Variants in KIAA0825 observed in about 807,000 individuals in gnomAD.
KIAA0825 encodes KIAA0825.
Under a neutral mutation model 147.6 loss-of-function variants are expected in KIAA0825, and 119 were observed. The ratio of observed to expected loss-of-function variants is 0.81; its 90% CI spans 0.69 to 0.94. The LOEUF is 0.94. Ranked by LOEUF, KIAA0825 falls within the 40% of genes least tolerant of loss-of-function variation. The pLI, the probability that KIAA0825 is intolerant of heterozygous loss-of-function variation, is 0.00. For synonymous variants in KIAA0825, 470 were observed against 518.1 expected, an observed-to-expected ratio of 0.91 and a Z score of 1.26; for missense variants, 1,381 against 1,472.7, an observed-to-expected ratio of 0.94 and a Z score of 1.02.
At chr5:94,536,192 G>T (rs1299473639) in intron 3 of KIAA0825, among the ~76,000 whole-genome samples, 1 of 152,022 alleles carries the variant, frequency 6.6e-6, no homozygotes, top group Non-Finnish European at 1.5e-5. Context: ...TTATAATAAA[G>T]AACTAACTAT....
chr5:94,396,006 C>A, intron 17 of KIAA0825, 95 bp downstream of exon 17: 1 of 1,169,138 alleles, frequency 8.6e-7, no homozygotes, highest in South Asian at 2.2e-5. Context: ...CAAAATACTA[C>A]TGCTGCCCAT....
At chr5:94,273,379 A>C (rs1777080133) in intron 20 of KIAA0825, among the ~76,000 whole-genome samples, 1 of 152,116 alleles carries the variant, frequency 6.6e-6, no homozygotes, top group South Asian at 2.1e-4. Context: ...CTACAAATAG[A>C]ATATTTTATT....
intron 14 of KIAA0825, among the ~76,000 whole-genome samples, chr5:94,436,805 G>A (rs1260121619): frequency 6.6e-6 from 1 of 152,066 alleles, no homozygotes; most frequent in African/African-American, 2.4e-5. Flanking sequence ...ACTGAGCAGT[G>A]GTTTGTAGTT....
chr5:94,502,999 C>T (rs941907074), intron 5 of KIAA0825, among the ~76,000 whole-genome samples: 72 of 151,182 alleles, frequency 4.8e-4, no homozygotes, highest in African/African-American at 1.7e-3. Flanking sequence ...ATCCCAGTTA[C>T]TCAGGAGGCT....
At position 94,520,302 on chromosome 5, in the gene KIAA0825, C is replaced by A; in HGVS notation, c.916G>T (p.Val306Leu). The A allele has an allele frequency of 6.2e-7, 1 of 1,613,440 alleles. No individual in the cohort carries two copies. The highest frequency in any genetic ancestry group is 8.5e-7 in the Non-Finnish European group (1 of 1,179,514). The change falls in exon 5 of 21, where the codon GTG becomes TTG. Residue 306 changes from valine (V) to leucine (L), a missense_variant. Transcript: ENST00000682413. ...CTGGAGCTCTTGCTTGTTTTAACCA[C>A]ACGAACAGCATTTTCTCTGAACTGC... ...ELQFRENAVR[V>L]VKTSKSSSKH...
chr5:94,206,305 T>A (rs569433463), intron 20 of KIAA0825, among the ~76,000 whole-genome samples: 47 of 152,314 alleles, frequency 3.1e-4, no homozygotes, highest in African/African-American at 1.1e-3. Flanking sequence ...GTTTTTGAAG[T>A]CTTTTTAGAT....
At chr5:94,293,481 T>A (rs1777994739) in intron 20 of KIAA0825, among the ~76,000 whole-genome samples, 1 of 152,208 alleles carries the variant, frequency 6.6e-6, no homozygotes, top group East Asian at 1.9e-4. Context: ...TGAGACTGTT[T>A]GTTATGATTT....
At chr5:94,230,867 A>G (rs1271863379) in intron 20 of KIAA0825, among the ~76,000 whole-genome samples, 1 of 152,148 alleles carries the variant, frequency 6.6e-6, no homozygotes, top group Admixed American at 6.6e-5. Context: ...TCACTGTTAC[A>G]TGCAACATAA....
chr5:94,571,614 T>G (rs915380856), intron 2 of KIAA0825, among the ~76,000 whole-genome samples: 2 of 152,224 alleles, frequency 1.3e-5, no homozygotes, highest in Non-Finnish European at 2.9e-5. Flanking sequence ...TATTTTTAGA[T>G]GTGGTCTTAA....
At chr5:94,312,723 T>A (rs1334002649) in intron 20 of KIAA0825, among the ~76,000 whole-genome samples, 1 of 151,628 alleles carries the variant, frequency 6.6e-6, no homozygotes, top group Admixed American at 6.6e-5. Context: ...TTTAACTATA[T>A]CTTTTCATTC....
chr5:94,266,707 A>T (rs766419394), intron 20 of KIAA0825, among the ~76,000 whole-genome samples: 3 of 152,228 alleles, frequency 2.0e-5, no homozygotes, highest in Non-Finnish European at 4.4e-5. Flanking sequence ...AATGCCACTC[A>T]TCACTAATTT....
At chr5:94,540,896 C>A (rs1219838748) in intron 2 of KIAA0825, among the ~76,000 whole-genome samples, 1 of 152,044 alleles carries the variant, frequency 6.6e-6, no homozygotes, top group East Asian at 1.9e-4. Flanking sequence ...TCAACCATGA[C>A]CCCTAACTAT....
chr5:94,233,565 T>C (rs1341516973), intron 20 of KIAA0825, among the ~76,000 whole-genome samples: 2 of 152,176 alleles, frequency 1.3e-5, no homozygotes, highest in Non-Finnish European at 2.9e-5. Flanking sequence ...TATCTTACCT[T>C]TCCCCAAGAC....
intron 2 of KIAA0825, among the ~76,000 whole-genome samples, chr5:94,561,361 G>A (rs983086186): frequency 2.6e-5 from 4 of 152,178 alleles, no homozygotes; most frequent in African/African-American, 7.2e-5. Context: ...AAAACTGTAT[G>A]TATACTGCTT....
intron 3 of KIAA0825, among the ~76,000 whole-genome samples, chr5:94,532,085 G>T (rs184696503): frequency 6.6e-6 from 1 of 152,230 alleles, no homozygotes; most frequent in East Asian, 1.9e-4. Context: ...TCATTAATAG[G>T]CATGGTTAAA....
intron 10 of KIAA0825, among the ~76,000 whole-genome samples, chr5:94,469,402 C>A (rs1760941875): frequency 6.6e-6 from 1 of 152,146 alleles, no homozygotes; most frequent in Non-Finnish European, 1.5e-5. Context: ...AAACCCCTGA[C>A]CTCAAGTGAT....
In KIAA0825 at chr5:94,516,789, C is replaced by CAA. The variant is rs1163048649; in HGVS notation, c.970+3457_970+3458dup. On this transcript the variant is annotated intron_variant, in intron 5 of 20. Transcript: ENST00000682413. ...TGGGCGACAGAACGAGACTCCGTCT[C>CAA]AAAAAAAAAAAAAAAAGAAAAGAAA... Among the ~76,000 whole-genome samples the CAA allele has an allele frequency of 8.8e-3, 471 of 53,618 alleles. 5 individuals carry two copies. Among genetic ancestry groups the CAA allele is most frequent in the African/African-American group, 0.031 (426 of 13,540 alleles). The allele number at this position is 53,618 out of a possible 152,430, so 35.2% of individuals were successfully genotyped here.
At chr5:94,172,557 G>A (rs1181822182) in intron 20 of KIAA0825, among the ~76,000 whole-genome samples, 2 of 152,134 alleles carry the variant, frequency 1.3e-5, no homozygotes, top group Non-Finnish European at 2.9e-5. Context: ...CTGGCTCACA[G>A]TATCTCATAT....
chr5:94,411,687 G>A (rs200737564), intron 15 of KIAA0825, among the ~76,000 whole-genome samples: 9 of 152,160 alleles, frequency 5.9e-5, no homozygotes, highest in African/African-American at 1.4e-4. Context: ...GGTGGCTCAC[G>A]CCTGTAATCC....
Sources: gnomAD v4.1 joint callset for allele counts (sites outside exome capture counted in the v4.1 genomes callset) on GRCh38, gnomAD v4.1.1 for gene constraint, MANE v1.5 for transcripts, NCBI Gene and HGNC (gene_info 2026-07-23, HGNC 2026-07-21) for gene names.